TSHZ3: variants seen among roughly 807,000 people sequenced by gnomAD.
TSHZ3 encodes the protein teashirt zinc finger homeobox 3, also known as teashirt homolog 3.
A neutral mutation model predicts 64.5 loss-of-function variants in TSHZ3; 10 were observed. That is an observed-to-expected ratio of 0.16 (90% CI 0.10 to 0.26). The LOEUF (loss-of-function observed/expected upper bound fraction) is 0.26, where lower values mean the gene tolerates loss of function less well. Ranked by LOEUF, TSHZ3 falls within the 10% of genes least tolerant of loss-of-function variation. TSHZ3 has a pLI of 1.00. For synonymous variants in TSHZ3, 608 were observed against 593.1 expected (o/e 1.03, Z -0.36); for missense variants, 1,242 against 1,421.7 (o/e 0.87, Z 2.03).
chr19:31,263,623 G>A (rs1407485298), intron 1 of TSHZ3, among the ~76,000 whole-genome samples: 2 of 152,100 alleles, frequency 1.3e-5, no homozygotes, highest in South Asian at 4.1e-4. Flanking sequence ...TTTGTGCGGG[G>A]CCAAGAGAGG....
At chr19:31,241,468 G>A (rs757548431) in intron 3 of TSHZ3, among the ~76,000 whole-genome samples, 32 of 152,122 alleles carry the variant, frequency 2.1e-4, no homozygotes, top group East Asian at 3.9e-4. Context: ...CCTGTCCTCC[G>A]TCACTGTCAA....
chr19:31,169,900 G>A (rs945224895), intron 5 of TSHZ3, among the ~76,000 whole-genome samples: 1 of 152,188 alleles, frequency 6.6e-6, no homozygotes, highest in African/African-American at 2.4e-5. Context: ...GGTGGCAGGG[G>A]ATTTCTGCAG....
Position 31,275,101 on chromosome 19 carries a change from T to C in TSHZ3, c.*1446A>G, listed in dbSNP as rs1424404519. 1 of 152,580 alleles carries C rather than the reference T, an allele frequency of 6.6e-6. No homozygotes were observed. The highest frequency in any genetic ancestry group is 1.5e-5 in the Non-Finnish European group (1 of 68,036). 9.5% of individuals were successfully genotyped at this position (152,580 alleles called of 1,614,324 possible). A position where few individuals can be genotyped will look rare whatever the true frequency, so the allele number is the denominator to read the frequency against. ...AATATTTTATACAAAGGTTCTCATA[T>C]GGTGTCAGCTGTCAGTTACTTCTGC... is the stretch of plus-strand genomic sequence containing the variant. On this transcript the variant is annotated 3_prime_UTR_variant, in exon 2 of 2. Transcript: ENST00000240587.
Position 31,162,377 on chromosome 19 carries a change from T to C in TSHZ3, n.810-5960A>G, listed in dbSNP as rs1186423716. On this transcript the variant is annotated intron_variant and non_coding_transcript_variant, in intron 5 of 6. Transcript: ENST00000651361. The stretch of plus-strand genomic sequence containing the variant: ...AATGGAAATGTTGCTATTATCGGGC[T>C]GTCAGATGAAACAATAATTTATGTG... Among the ~76,000 whole-genome samples, 6 of 152,340 alleles carry C rather than the reference T, an allele frequency of 3.9e-5. No individual in the cohort carries two copies. In the East Asian group the frequency reaches 1.2e-3, roughly 29 times the overall value.
chr19:31,269,015 G>A (rs531790081), intron 1 of TSHZ3, among the ~76,000 whole-genome samples: 4 of 152,164 alleles, frequency 2.6e-5, no homozygotes, highest in South Asian at 2.1e-4. Context: ...TCAGCTGCAC[G>A]GAGCAGCCCC....
At chr19:31,228,382 T>G (rs1408534848) in intron 3 of TSHZ3, among the ~76,000 whole-genome samples, 1 of 151,870 alleles carries the variant, frequency 6.6e-6, no homozygotes, top group Non-Finnish European at 1.5e-5. Context: ...AAAATTTAGC[T>G]AGGCATGGTG....
chr19:31,344,324 A>C lies in TSHZ3; in HGVS notation c.40+4856T>G, dbSNP rs191673389. 2.0e-4 allele frequency among the ~76,000 whole-genome samples: 31 copies of C among 152,292 alleles called. No individual in the cohort carries two copies. In the East Asian group the frequency reaches 5.4e-3, roughly 27 times the overall value. On this transcript the variant is annotated intron_variant, in intron 1 of 1. Transcript: ENST00000240587. ...TGTGATAAAGCAGCTGATTTGAAAG[A>C]TCCAACTACCTACCTGGGCTGGACA... is the stretch of plus-strand genomic sequence containing the variant.
chr19:31,293,686 T>C (rs1427122687), intron 1 of TSHZ3, among the ~76,000 whole-genome samples: 2 of 152,224 alleles, frequency 1.3e-5, no homozygotes, highest in Non-Finnish European at 2.9e-5. Context: ...ATTATCAGCA[T>C]CATTGTATAT....
intron 1 of TSHZ3, among the ~76,000 whole-genome samples, chr19:31,289,943 C>T (rs1480925681): frequency 2.0e-5 from 3 of 152,184 alleles, no homozygotes; most frequent in Non-Finnish European, 4.4e-5. Flanking sequence ...AGAATATCTG[C>T]TTGACAAAGG....
intron 1 of TSHZ3, among the ~76,000 whole-genome samples, chr19:31,337,063 T>G (rs1417627594): frequency 1.4e-5 from 2 of 147,004 alleles, no homozygotes; most frequent in Non-Finnish European, 1.5e-5. Context: ...CTTGCAAGGG[T>G]CATATCTTTT....
At chr19:31,150,895 T>C (rs772517948) in exon 7 of TSHZ3, among the ~76,000 whole-genome samples, 1 of 152,260 alleles carries the variant, frequency 6.6e-6, no homozygotes, top group Non-Finnish European at 1.5e-5. Context: ...ATCAGGAGCC[T>C]GCCCATCTCA....
At chr19:31,182,203 C>T (rs1324707227) in intron 5 of TSHZ3, among the ~76,000 whole-genome samples, 1 of 152,190 alleles carries the variant, frequency 6.6e-6, no homozygotes, top group African/African-American at 2.4e-5. Flanking sequence ...TTTCCAGAGG[C>T]ATTGAGAGCA....
At chr19:31,237,619 T>C (rs74583356) in intron 3 of TSHZ3, among the ~76,000 whole-genome samples, 2,746 of 152,290 alleles carry the variant, frequency 0.018, 83 homozygotes, top group African/African-American at 0.063. Flanking sequence ...TTGTTCTTAT[T>C]TATATTAATT....
At chr19:31,252,018 G>A (rs1975850677) in intron 1 of TSHZ3, among the ~76,000 whole-genome samples, 1 of 152,218 alleles carries the variant, frequency 6.6e-6, no homozygotes, top group Non-Finnish European at 1.5e-5. Flanking sequence ...CCTGGGCACT[G>A]AGGCACAGGA....
chr19:31,159,615 T>G (rs990859040), intron 5 of TSHZ3, among the ~76,000 whole-genome samples: 1 of 152,226 alleles, frequency 6.6e-6, no homozygotes, highest in East Asian at 1.9e-4. Flanking sequence ...GATGTGAATG[T>G]GCTTCACCAA....
At chr19:31,350,603 T>C (rs2021691526), upstream of TSHZ3, among the ~76,000 whole-genome samples, 1 of 150,180 alleles carries the variant, frequency 6.7e-6, no homozygotes, top group Non-Finnish European at 1.5e-5. Context: ...ACTAGAGGGA[T>C]TGATTATTGA....
At chr19:31,243,983 A>C (rs983165336) in intron 1 of TSHZ3, among the ~76,000 whole-genome samples, 1 of 152,222 alleles carries the variant, frequency 6.6e-6, no homozygotes, top group Non-Finnish European at 1.5e-5. Context: ...AACCTAAAAC[A>C]TGTGCATAAC....
At chr19:31,272,139 G>A (rs1976151337), downstream of TSHZ3, among the ~76,000 whole-genome samples, 1 of 152,126 alleles carries the variant, frequency 6.6e-6, no homozygotes, top group Non-Finnish European at 1.5e-5. Context: ...GGACTTGTTC[G>A]ATGCAGCCTG....
At chr19:31,250,172 T>C (rs1382567764) in intron 1 of TSHZ3, among the ~76,000 whole-genome samples, 2 of 152,224 alleles carry the variant, frequency 1.3e-5, no homozygotes, top group Non-Finnish European at 2.9e-5. Flanking sequence ...TAAAAATATA[T>C]CTTTAAGCAC....
Sources: gnomAD v4.1 joint callset for allele counts (sites outside exome capture counted in the v4.1 genomes callset) on GRCh38, gnomAD v4.1.1 for gene constraint, MANE v1.5 for transcripts, NCBI Gene and HGNC (gene_info 2026-07-23, HGNC 2026-07-21) for gene names.